Variants in SORBS2 observed in about 807,000 individuals in gnomAD.
SORBS2 encodes the protein sorbin and SH3 domain-containing protein 2.
SORBS2 carries 46 observed loss-of-function variants against 97.7 expected under a neutral mutation model. The observed-to-expected ratio is 0.47, with a 90% CI of 0.37 to 0.60. The LOEUF (loss-of-function observed/expected upper bound fraction) is 0.60, where lower values mean the gene tolerates loss of function less well. SORBS2 is among the 20% of genes least tolerant of loss of function. The pLI is 0.00. For missense variants in SORBS2, 1,316 were observed against 1,282.3 expected (o/e 1.03, Z -0.40); for synonymous variants, 476 against 473.4 (o/e 1.01, Z -0.07).
At chr4:185,885,728 T>A (rs56296536) in intron 1 of SORBS2, among the ~76,000 whole-genome samples, 3,199 of 152,308 alleles carry the variant, frequency 0.021, 61 homozygotes, top group Middle Eastern at 0.044. Flanking sequence ...AAGATTCCTC[T>A]AGAATATCCT....
chr4:185,935,993 A>G (rs914885378), intron 1 of SORBS2, among the ~76,000 whole-genome samples: 12 of 152,184 alleles, frequency 7.9e-5, no homozygotes, highest in Non-Finnish European at 1.6e-4. Context: ...TTGGGATTAC[A>G]GGTGTGCACC....
intron 4 of SORBS2, among the ~76,000 whole-genome samples, chr4:185,663,802 A>G (rs2097555231): frequency 2.6e-5 from 4 of 151,642 alleles, no homozygotes; most frequent in Non-Finnish European, 1.5e-5. Context: ...GGTTTCAATA[A>G]TATTGACTAG....
chr4:185,865,679 C>T (rs956270320), intron 1 of SORBS2, among the ~76,000 whole-genome samples: 2 of 152,146 alleles, frequency 1.3e-5, no homozygotes, highest in Non-Finnish European at 1.5e-5. Context: ...AACTTTTAGA[C>T]GTTTCCTTCC....
intron 12 of SORBS2, among the ~76,000 whole-genome samples, chr4:185,600,634 C>T (rs1056623133): frequency 3.3e-5 from 5 of 152,156 alleles, no homozygotes; most frequent in South Asian, 2.1e-4. Flanking sequence ...CCACTGCGCC[C>T]GGCCAAGAAA....
chr4:185,911,981 T>C (rs551594452), intron 1 of SORBS2, among the ~76,000 whole-genome samples: 1 of 152,212 alleles, frequency 6.6e-6, no homozygotes, highest in Non-Finnish European at 1.5e-5. Flanking sequence ...GAAATACTTA[T>C]GGAAAAACAT....
intron 1 of SORBS2, among the ~76,000 whole-genome samples, chr4:185,928,207 A>G (rs569984407): frequency 2.1e-3 from 317 of 152,222 alleles, no homozygotes; most frequent in African/African-American, 7.3e-3. Context: ...GGAGTTCAAT[A>G]CCAGCCTGGG....
chr4:185,670,485 G>A (rs1374203183), intron 4 of SORBS2, among the ~76,000 whole-genome samples: 2 of 151,924 alleles, frequency 1.3e-5, no homozygotes, highest in African/African-American at 4.8e-5. Context: ...TGAGCTTCTA[G>A]GCCTCATTTC....
intron 1 of SORBS2, among the ~76,000 whole-genome samples, chr4:185,791,529 T>TATC (rs1306969977): frequency 6.6e-6 from 1 of 152,178 alleles, no homozygotes; most frequent in Non-Finnish European, 1.5e-5. Flanking sequence ...GTACAGTGTT[T>TATC]ATCATAAACA....
intron 2 of SORBS2, among the ~76,000 whole-genome samples, chr4:185,744,273 C>T (rs944670671): frequency 3.3e-5 from 5 of 152,236 alleles, no homozygotes; most frequent in East Asian, 3.9e-4. Context: ...CAATGTACCC[C>T]ATTGTATGCA....
Position 185,614,973 on chromosome 4 carries a change from A to C in SORBS2, c.2467-14T>G. The C allele has an allele frequency of 6.2e-7, 1 of 1,614,180 alleles. No individual in the cohort carries two copies. The highest frequency in any genetic ancestry group is 8.5e-7 in the Non-Finnish European group (1 of 1,180,022). On this transcript the variant is annotated splice_polypyrimidine_tract_variant and intron_variant, in intron 10 of 14. Transcript: ENST00000418609. ...AGGTGTGAGTTTCTATGAAGGAAAT[A>C]GTCATTTATTCTCAAATCTGCGGTG...
chr4:185,639,085 G>T, intron 4 of SORBS2, 50 bp from the exon 14 acceptor site: 2 of 1,462,160 alleles, frequency 1.4e-6, no homozygotes, highest in Non-Finnish European at 9.1e-7. Context: ...GAGGCTCTGG[G>T]CGGAACCGCG....
intron 2 of SORBS2, among the ~76,000 whole-genome samples, chr4:185,732,589 C>T (rs767634219): frequency 3.9e-5 from 6 of 152,148 alleles, no homozygotes; most frequent in Non-Finnish European, 7.4e-5. Flanking sequence ...CAGAGTGGGT[C>T]AGTTCTGCAG....
At chr4:185,782,712 C>T (rs2099036935) in intron 1 of SORBS2, among the ~76,000 whole-genome samples, 1 of 152,196 alleles carries the variant, frequency 6.6e-6, no homozygotes, top group African/African-American at 2.4e-5. Context: ...TGGTCACTGA[C>T]TGAGAAGACT....
intron 2 of SORBS2, among the ~76,000 whole-genome samples, chr4:185,686,466 A>G (rs959672403): frequency 1.3e-5 from 2 of 152,244 alleles, no homozygotes; most frequent in African/African-American, 4.8e-5. Context: ...ATCAAAGGTT[A>G]TAATTAAGAA....
chr4:185,907,512 C>G (rs1264477263), intron 1 of SORBS2, among the ~76,000 whole-genome samples: 1 of 152,096 alleles, frequency 6.6e-6, no homozygotes, highest in Non-Finnish European at 1.5e-5. Flanking sequence ...ATTTTGTGGC[C>G]TGGATGTTTA....
chr4:185,743,996 TC>T (rs1411259319), intron 2 of SORBS2, among the ~76,000 whole-genome samples: 2 of 103,202 alleles, frequency 1.9e-5, no homozygotes, highest in African/African-American at 9.3e-5. Context: ...CCTCCTCCTG[TC>T]CCCCTCACCT....
intron 1 of SORBS2, among the ~76,000 whole-genome samples, chr4:185,808,508 T>C (rs1440438341): frequency 6.6e-6 from 1 of 152,182 alleles, no homozygotes; most frequent in Middle Eastern, 3.2e-3. Flanking sequence ...ATACTAATAA[T>C]GTTATCTAAT....
At chr4:185,843,247 C>G (rs1333101654) in intron 1 of SORBS2, among the ~76,000 whole-genome samples, 1 of 152,058 alleles carries the variant, frequency 6.6e-6, no homozygotes, top group Non-Finnish European at 1.5e-5. Flanking sequence ...GGTAGTTTCA[C>G]TAAGAGAAAG....
rs1367096967 is a variant in SORBS2 at position 185,789,100 on chromosome 4, T to TA, written c.-337-13735dup. On this transcript the variant is annotated intron_variant, in intron 1 of 20. Coordinates refer to the SORBS2 transcript ENST00000284776. Reference sequence around the variant, plus strand: ...CAATTATTCTTTGGGGCGTTTGACTTACAGATCAAGGACCAGGTCAGGTCA... The same window carrying TA: ...CAATTATTCTTTGGGGCGTTTGACTTAACAGATCAAGGACCAGGTCAGGTCA... Among the ~76,000 whole-genome samples, 6 of 152,226 alleles carry TA rather than the reference T, an allele frequency of 3.9e-5. No individual in the cohort carries two copies. The South Asian group carries it at 6.2e-4, about 16-fold the overall frequency.
Sources: allele counts gnomAD v4.1 joint callset (sites outside exome capture counted in the v4.1 genomes callset), GRCh38; gene constraint gnomAD v4.1.1; transcripts MANE v1.5; gene names NCBI Gene and HGNC (gene_info 2026-07-23, HGNC 2026-07-21).